Variants in MPPED2 observed in about 807,000 individuals in gnomAD.
The protein encoded by MPPED2 is metallophosphoesterase domain containing 2.
MPPED2 carries 5 observed loss-of-function variants against 33.0 expected under a neutral mutation model. The observed-to-expected ratio is 0.15, with a 90% CI of 0.08 to 0.32. The LOEUF is 0.32. Among genes scored for constraint, MPPED2 ranks in the 10% least tolerant of loss-of-function variants. The probability of loss-of-function intolerance (pLI) is 1.00; values close to 1 mark genes in which losing one functional copy is unlikely to be tolerated. For synonymous variants in MPPED2, 136 were observed against 141.9 expected, an observed-to-expected ratio of 0.96 and a Z score of 0.29; for missense variants, 275 against 372.1, an observed-to-expected ratio of 0.74 and a Z score of 2.15.
intron 2 of MPPED2, among the ~76,000 whole-genome samples, chr11:30,571,398 A>G (rs1459036493): frequency 6.6e-6 from 1 of 152,178 alleles, no homozygotes; most frequent in Non-Finnish European, 1.5e-5. Context: ...ATAATGCAGG[A>G]GCCAATAAAT....
chr11:30,408,079 A>G (rs2133719325), downstream of MPPED2, among the ~76,000 whole-genome samples: 1 of 151,818 alleles, frequency 6.6e-6, no homozygotes, highest in Admixed American at 6.6e-5. Context: ...CCTCCTCATC[A>G]CCCCCGTTTT....
intron 2 of MPPED2, among the ~76,000 whole-genome samples, chr11:30,539,723 C>T (rs887086340): frequency 6.6e-6 from 1 of 152,112 alleles, no homozygotes; most frequent in African/African-American, 2.4e-5. Flanking sequence ...CAGGCTCAAG[C>T]AATCCTCCCA....
chr11:30,385,857 T>A (rs955693754), exon 7 of MPPED2: 2 of 152,194 alleles, frequency 1.3e-5, no homozygotes, highest in Non-Finnish European at 2.9e-5. Context: ...GTTGTCACCC[T>A]CCTTAATGTC....
At chr11:30,452,749 C>T (rs986704230) in intron 4 of MPPED2, among the ~76,000 whole-genome samples, 4 of 152,116 alleles carry the variant, frequency 2.6e-5, no homozygotes, top group Non-Finnish European at 5.9e-5. Flanking sequence ...GATATTCTGT[C>T]TAGCAGTGTG....
chr11:30,496,094 G>A (rs1351815882), intron 3 of MPPED2, among the ~76,000 whole-genome samples: 1 of 152,068 alleles, frequency 6.6e-6, no homozygotes, highest in Non-Finnish European at 1.5e-5. Context: ...CATTAGTAAG[G>A]GCCCCCTGAT....
At chr11:30,470,018 C>T (rs1252631521) in intron 4 of MPPED2, among the ~76,000 whole-genome samples, 2 of 152,178 alleles carry the variant, frequency 1.3e-5, no homozygotes, top group African/African-American at 4.8e-5. Context: ...GCAACTTCAA[C>T]TTGTGAGTGG....
chr11:30,539,310 T>A (rs1954975491), intron 2 of MPPED2, among the ~76,000 whole-genome samples: 1 of 152,192 alleles, frequency 6.6e-6, no homozygotes, highest in Non-Finnish European at 1.5e-5. Flanking sequence ...AGTTCTCAAA[T>A]GACCTAACAT....
chr11:30,511,634 C>G (rs1224466773), intron 3 of MPPED2, among the ~76,000 whole-genome samples: 4 of 152,210 alleles, frequency 2.6e-5, no homozygotes, highest in African/African-American at 9.7e-5. Flanking sequence ...CACGTGCACA[C>G]ACACACACAC....
intron 4 of MPPED2, among the ~76,000 whole-genome samples, chr11:30,440,923 G>A (rs1016766361): frequency 6.6e-6 from 1 of 152,158 alleles, no homozygotes; most frequent in Non-Finnish European, 1.5e-5. Context: ...GCTTAAAAAC[G>A]GGTGCTTTGC....
chr11:30,497,561 C>T (rs748597315), intron 3 of MPPED2, among the ~76,000 whole-genome samples: 2 of 152,184 alleles, frequency 1.3e-5, no homozygotes, highest in African/African-American at 2.4e-5. Flanking sequence ...TAAACCCTTT[C>T]ATTATGTGCC....
At chr11:30,455,939 C>G (rs547307522) in intron 4 of MPPED2, among the ~76,000 whole-genome samples, 4 of 152,370 alleles carry the variant, frequency 2.6e-5, no homozygotes, top group African/African-American at 7.2e-5. Context: ...TTTCTCCACT[C>G]TAACACAGAC....
chr11:30,521,185 A>G (rs1039985975), intron 3 of MPPED2, among the ~76,000 whole-genome samples: 10 of 152,138 alleles, frequency 6.6e-5, no homozygotes, highest in African/African-American at 2.2e-4. Context: ...TTTTCATTGT[A>G]TATTCTTCAT....
chr11:30,548,865 T>G (rs1590813608), intron 2 of MPPED2, among the ~76,000 whole-genome samples: 1 of 152,164 alleles, frequency 6.6e-6, no homozygotes, highest in Admixed American at 6.5e-5. Context: ...TTTTCTAAAT[T>G]TGTTAAAGCT....
At chr11:30,437,024 G>C (rs500783) in intron 4 of MPPED2, among the ~76,000 whole-genome samples, 18,329 of 152,200 alleles carry the variant, frequency 0.12, 1,465 homozygotes, top group South Asian at 0.24. Context: ...GGGAGGGGCA[G>C]AGAGCTTCCT....
intron 4 of MPPED2, among the ~76,000 whole-genome samples, chr11:30,465,422 G>A (rs963895540): frequency 8.5e-5 from 13 of 152,218 alleles, no homozygotes; most frequent in African/African-American, 3.1e-4. Flanking sequence ...TGAATAGCTG[G>A]GATTACAGGC....
At chr11:30,395,718 A>G (rs1947832461) in intron 6 of MPPED2, among the ~76,000 whole-genome samples, 1 of 152,218 alleles carries the variant, frequency 6.6e-6, no homozygotes, top group African/African-American at 2.4e-5. Flanking sequence ...CTACAGGAAG[A>G]TAAATAATCA....
At position 30,447,558 on chromosome 11, in the gene MPPED2, G is replaced by A. The variant is rs891854085; in HGVS notation, c.537-29925C>T. 4.6e-5 allele frequency among the ~76,000 whole-genome samples: 7 copies of A among 152,250 alleles called. No homozygotes were observed. The South Asian group carries it at 1.5e-3, about 32-fold the overall frequency. ...AGCAGTGTGTGGGTGATAAAGTGTG[G>A]GGTGTCAAGAAGCGGCAGCAACCAG... On this transcript the variant is annotated intron_variant, in intron 4 of 6. Transcript: ENST00000358117.
chr11:30,532,653 C>T (rs1954592949), intron 3 of MPPED2, among the ~76,000 whole-genome samples: 2 of 152,190 alleles, frequency 1.3e-5, no homozygotes, highest in South Asian at 4.1e-4. Flanking sequence ...TGAGAGTTTA[C>T]ACAACTTAAC....
intron 3 of MPPED2, among the ~76,000 whole-genome samples, chr11:30,500,292 A>T (rs1952496557): frequency 6.6e-6 from 1 of 151,990 alleles, no homozygotes. Flanking sequence ...TCCCTCTCTG[A>T]TATTTCCTCT....
Sources: gnomAD v4.1 joint callset for allele counts (sites outside exome capture counted in the v4.1 genomes callset) on GRCh38, gnomAD v4.1.1 for gene constraint, MANE v1.5 for transcripts, NCBI Gene and HGNC (gene_info 2026-07-23, HGNC 2026-07-21) for gene names.